Variants in SEC16B observed in about 807,000 individuals in gnomAD.
SEC16B encodes SEC16 homolog B, endoplasmic reticulum export factor.
In SEC16B, 115 loss-of-function variants were observed where a neutral mutation model predicts 141.8. The observed-to-expected ratio is 0.81, with a 90% CI of 0.70 to 0.95. The LOEUF is 0.95. Ranked by LOEUF, SEC16B falls within the 40% of genes least tolerant of loss-of-function variation. SEC16B has a pLI of 0.00. For synonymous variants in SEC16B, 493 were observed against 492.5 expected, an observed-to-expected ratio of 1.00 and a Z score of -0.01; for missense variants, 1,291 against 1,312.3, an observed-to-expected ratio of 0.98 and a Z score of 0.25.
chr1:177,940,491 G>A (rs1651196042), intron 17 of SEC16B, 119 bp downstream of exon 17: 2 of 676,278 alleles, frequency 3.0e-6, no homozygotes, highest in Admixed American at 4.4e-5. Context: ...GGAGAGACCA[G>A]GGTGAGGCAT....
intron 20 of SEC16B, among the ~76,000 whole-genome samples, chr1:177,934,135 C>CT (rs78021773): frequency 1.3e-5 from 2 of 150,792 alleles, no homozygotes; most frequent in Non-Finnish European, 1.5e-5. Context: ...TTTACATTAA[C>CT]TTTTTTTTTT....
At chr1:177,936,204 G>A in intron 20 of SEC16B, 94 bp downstream of exon 20, 1 of 932,716 alleles carries the variant, frequency 1.1e-6, no homozygotes. Context: ...CAACACTGAG[G>A]AGGAGCTTGC....
chr1:177,953,400 A>G (rs1034259471), intron 11 of SEC16B, among the ~76,000 whole-genome samples: 3 of 152,244 alleles, frequency 2.0e-5, no homozygotes, highest in African/African-American at 7.2e-5. Flanking sequence ...AGCTTTAACC[A>G]GCACTAGAAG....
rs777184436 is a variant in SEC16B, at chr1:177,958,228, G to A, written c.1269C>T (p.Thr423=). Reference sequence around the variant, plus strand: ...GGATCTCTCCCGTGAGCAGGTTCGGGGTCCCAGAGCTCAGCACTGGCCAGT... The same window carrying A: ...GGATCTCTCCCGTGAGCAGGTTCGGAGTCCCAGAGCTCAGCACTGGCCAGT... ...DEDWPVLSSG[T]PNLLTGEIPP... is the part of the protein sequence containing the mutation. The change falls in exon 10 of 26, where the codon ACC becomes ACT. Residue 423 remains threonine, a synonymous_variant. Coordinates refer to ENST00000308284, the MANE Select transcript of SEC16B (RefSeq NM_033127.4). The A allele has an allele frequency of 3.1e-6, 5 of 1,604,554 alleles. No individual in the cohort carries two copies. The East Asian group carries it at 9.0e-5, about 29-fold the overall frequency.
chr1:177,935,509 GATATAC>G (rs1247862129), intron 20 of SEC16B, among the ~76,000 whole-genome samples: 3 of 152,002 alleles, frequency 2.0e-5, no homozygotes, highest in African/African-American at 7.2e-5. Flanking sequence ...TGTATATACA[GATATAC>G]ATATATGTGA....
intron 13 of SEC16B, among the ~76,000 whole-genome samples, chr1:177,947,305 A>G (rs1651786762): frequency 6.6e-6 from 1 of 152,184 alleles, no homozygotes; most frequent in South Asian, 2.1e-4. Context: ...TGATAGCAAG[A>G]AAGACTACAG....
chr1:177,983,550 T>C (rs575712775), intron 1 of SEC16B, among the ~76,000 whole-genome samples: 2 of 151,660 alleles, frequency 1.3e-5, no homozygotes, highest in East Asian at 1.9e-4. Flanking sequence ...CACCAACCCA[T>C]AAATACATGG....
chr1:177,971,548 CT>C (rs1225507022), upstream of SEC16B: 2 of 152,204 alleles, frequency 1.3e-5, no homozygotes, highest in Non-Finnish European at 2.9e-5. Flanking sequence ...ATTATATGTT[CT>C]GATATATCAC....
intron 1 of SEC16B, among the ~76,000 whole-genome samples, chr1:177,978,289 G>A (rs1654258270): frequency 6.6e-6 from 1 of 152,188 alleles, no homozygotes; most frequent in African/African-American, 2.4e-5. Context: ...TGGCCTGTAG[G>A]AGGTGCACAA....
upstream of SEC16B, among the ~76,000 whole-genome samples, chr1:177,972,712 G>A (rs1375064415): frequency 6.6e-6 from 1 of 152,200 alleles, no homozygotes; most frequent in African/African-American, 2.4e-5. Flanking sequence ...TCAAACAAGA[G>A]TAACTGCCTG....
chr1:177,969,459 A>T (rs1273357734), intron 1 of SEC16B, among the ~76,000 whole-genome samples: 3 of 152,228 alleles, frequency 2.0e-5, no homozygotes, highest in Non-Finnish European at 4.4e-5. Context: ...AGGAAAGGCC[A>T]AATGTCCCAG....
chr1:177,930,684 T>TCC, intron 24 of SEC16B, 41 bp from the exon 25 acceptor site: 1 of 1,458,612 alleles, frequency 6.9e-7, no homozygotes, highest in Non-Finnish European at 9.6e-7. Context: ...AGTGCCTGCC[T>TCC]CCCAGATTCC....
intron 19 of SEC16B, 35 bp downstream of exon 19, chr1:177,937,179 C>T (rs767480863): frequency 6.4e-6 from 10 of 1,570,368 alleles, no homozygotes; most frequent in Non-Finnish European, 8.6e-6. Flanking sequence ...CCAGACCCTA[C>T]ATTCAATGTG....
Position 177,932,784 on chromosome 1 carries a change from G to T in SEC16B, c.2846C>A (p.Pro949His). 6.2e-7 allele frequency: 1 copy of T among 1,612,594 alleles called. No homozygotes were observed. The highest frequency in any genetic ancestry group is 8.5e-7 in the Non-Finnish European group (1 of 1,179,516). The change falls in exon 23 of 26, where the codon CCC becomes CAC. Residue 949 changes from proline to histidine, a missense_variant. Around this residue, in one of 3 missense-constraint regions of SEC16B, gnomAD observed 605 missense variants for 614.1 expected, o/e 0.99. Coordinates refer to ENST00000308284, the MANE Select transcript of SEC16B (RefSeq NM_033127.4). ...DSEETPRASS[P>H]HQAGLGLSLT... ...TGAGAGGCCCAGGCCAGCCTGGTGG[G>T]GAGAAGATGCTCTGGGGGTCTCCTG...
rs139593986 is a variant in SEC16B, at chr1:177,941,995, C to T, written c.1927G>A (p.Val643Met). Reference sequence around the variant, plus strand: ...TCGCAGTAATGCAAAGCCTGGGACACGAGGCCATAATCTGCCAGACGGGAA... The same window carrying T: ...TCGCAGTAATGCAAAGCCTGGGACATGAGGCCATAATCTGCCAGACGGGAA... ...YASRLADYGL[V>M]SQALHYCEAI... The change falls in exon 16 of 26, where the codon GTG (valine) becomes ATG (methionine). Residue 643 changes from valine to methionine, a missense_variant. By Grantham distance (21) the Val-to-Met change is conservative. This residue lies in a region of SEC16B where 605 missense variants were observed against 614.1 expected (regional missense o/e 0.99). Transcript: ENST00000308284. 752 of 1,613,896 alleles carry T rather than the reference C, an allele frequency of 4.7e-4. 10 individuals are homozygous for T. In the East Asian group the frequency reaches 0.013, roughly 29 times the overall value.
At position 177,936,370 on chromosome 1, in the gene SEC16B, A is replaced by C. The variant is rs1165172053; in HGVS notation, c.2504-5T>G. ...CTTGAGACACTGTGTTCTCTCCTGC[A>C]TCACAAACAGAAATGGAAATAGCAA... On this transcript the variant is annotated splice_polypyrimidine_tract_variant and splice_region_variant and intron_variant, in intron 19 of 25. Transcript: ENST00000308284. The C allele has an allele frequency of 6.2e-7, 1 of 1,605,698 alleles. No homozygotes were observed. Among genetic ancestry groups the C allele is most frequent in the Non-Finnish European group, 8.5e-7 (1 of 1,175,730 alleles).
chr1:177,969,069 A>G (rs1653771596), intron 1 of SEC16B, among the ~76,000 whole-genome samples: 1 of 152,218 alleles, frequency 6.6e-6, no homozygotes, highest in Admixed American at 6.5e-5. Context: ...TCCTTGTGTC[A>G]GGAGCATCCA....
At chr1:177,956,981 G>T (rs1476932230) in intron 10 of SEC16B, among the ~76,000 whole-genome samples, 1 of 152,124 alleles carries the variant, frequency 6.6e-6, no homozygotes, top group Non-Finnish European at 1.5e-5. Context: ...TCTATTTAAT[G>T]ATGGGTTTAT....
chr1:177,933,255 G>C lies in SEC16B; in HGVS notation c.2782C>G (p.Pro928Ala), dbSNP rs1276328002. 1 of 1,599,070 alleles carries C rather than the reference G, an allele frequency of 6.3e-7. No individual in the cohort carries two copies. Among genetic ancestry groups the C allele is most frequent in the Non-Finnish European group, 8.5e-7 (1 of 1,172,894 alleles). Residue 928 changes from proline to alanine, a missense_variant, in exon 22 of 26, where the codon CCC becomes GCC. Around this residue, in one of 3 missense-constraint regions of SEC16B, gnomAD observed 605 missense variants for 614.1 expected, o/e 0.99. Coordinates refer to ENST00000308284, the MANE Select transcript of SEC16B (RefSeq NM_033127.4). ...FRSKPTKNAS[P>A]AGDEDSSDSP... is the part of the protein sequence containing the mutation. ...TCTGAGGAGTCCTCGTCTCCAGCGG[G>C]GGATGCGTTCTTGGTGGGCTTCGAT...
Sources: gnomAD v4.1 joint callset for allele counts (sites outside exome capture counted in the v4.1 genomes callset) on GRCh38, gnomAD v4.1.1 for gene constraint, gnomAD v4.1.1 regional missense constraint, MANE v1.5 for transcripts, NCBI Gene and HGNC (gene_info 2026-07-23, HGNC 2026-07-21) for gene names.